The following THRB variants were observed in gnomAD, a reference collection of about 807,000 sequenced individuals.
THRB encodes thyroid hormone receptor beta, also known as nuclear receptor subfamily 1 group A member 2.
THRB carries 12 observed loss-of-function variants against 47.8 expected under a neutral mutation model. The ratio of observed to expected loss-of-function variants is 0.25; its 90% confidence interval spans 0.16 to 0.41. The LOEUF (loss-of-function observed/expected upper bound fraction) is 0.41. Ranked by LOEUF, THRB falls within the 10% of genes least tolerant of loss-of-function variation. THRB has a pLI of 1.00. For synonymous variants in THRB, 218 were observed against 212.2 expected, an observed-to-expected ratio of 1.03 and a Z score of -0.24; for missense variants, 348 against 589.2, an observed-to-expected ratio of 0.59 and a Z score of 4.24.
chr3:24,265,885 C>A (rs2052600313), intron 3 of THRB, among the ~76,000 whole-genome samples: 1 of 151,938 alleles, frequency 6.6e-6, no homozygotes. Flanking sequence ...AGTTTGAACC[C>A]AATTTTTAAG....
At chr3:24,350,694 T>C (rs2063310274) in intron 1 of THRB, among the ~76,000 whole-genome samples, 1 of 152,202 alleles carries the variant, frequency 6.6e-6, no homozygotes, top group African/African-American at 2.4e-5. Context: ...TTGCTTCTTG[T>C]CAGTATTGCA....
chr3:24,167,282 T>C (rs1452742256), intron 5 of THRB, among the ~76,000 whole-genome samples: 1 of 152,170 alleles, frequency 6.6e-6, no homozygotes, highest in African/African-American at 2.4e-5. Context: ...TTGGTATATA[T>C]TTGAACCTGG....
chr3:24,218,342 C>T (rs7648454), intron 4 of THRB, among the ~76,000 whole-genome samples: 32,836 of 116,080 alleles, frequency 0.28, 4,833 homozygotes, highest in African/African-American at 0.43. Flanking sequence ...CTCTCTCTCT[C>T]TTTTTTTTTT....
intron 1 of THRB, among the ~76,000 whole-genome samples, chr3:24,365,502 T>C (rs1336142503): frequency 1.3e-5 from 2 of 152,166 alleles, no homozygotes; most frequent in African/African-American, 4.8e-5. Context: ...TTTAGAAACT[T>C]GGGCCATAGA....
At chr3:24,149,529 C>A (rs780564608) in intron 6 of THRB, among the ~76,000 whole-genome samples, 3 of 152,200 alleles carry the variant, frequency 2.0e-5, no homozygotes, top group Non-Finnish European at 4.4e-5. Flanking sequence ...ATAATTTATA[C>A]TTTGCTTATT....
At chr3:24,290,605 C>T (rs1443637436) in intron 3 of THRB, among the ~76,000 whole-genome samples, 1 of 152,130 alleles carries the variant, frequency 6.6e-6, no homozygotes, top group Non-Finnish European at 1.5e-5. Flanking sequence ...CCAAGAGACA[C>T]GATGCACAAT....
At chr3:24,268,430 C>G (rs1323145874) in intron 3 of THRB, among the ~76,000 whole-genome samples, 1 of 152,150 alleles carries the variant, frequency 6.6e-6, no homozygotes, top group Non-Finnish European at 1.5e-5. Flanking sequence ...AATATTGTTT[C>G]AAGTTGAAAC....
chr3:24,394,029 T>G (rs1429244975), intron 1 of THRB, among the ~76,000 whole-genome samples: 1 of 152,132 alleles, frequency 6.6e-6, no homozygotes, highest in Non-Finnish European at 1.5e-5. Context: ...CACAATGATC[T>G]TCAATAGATA....
chr3:24,151,040 T>C (rs1031479645), intron 6 of THRB, among the ~76,000 whole-genome samples: 1 of 152,198 alleles, frequency 6.6e-6, no homozygotes, highest in Non-Finnish European at 1.5e-5. Flanking sequence ...CCCTAAGACA[T>C]TATTTTCATA....
At chr3:24,232,994 G>A (rs924334086) in intron 3 of THRB, among the ~76,000 whole-genome samples, 5 of 152,156 alleles carry the variant, frequency 3.3e-5, no homozygotes, top group African/African-American at 1.2e-4. Context: ...GTGCCAAGGG[G>A]TGGTGCTGAG....
At chr3:24,250,909 G>C (rs1559735385) in intron 3 of THRB, among the ~76,000 whole-genome samples, 1 of 151,860 alleles carries the variant, frequency 6.6e-6, no homozygotes, top group Non-Finnish European at 1.5e-5. Context: ...TGCAAAAATA[G>C]AATAATTATA....
At chr3:24,245,370 A>G (rs2050006198) in intron 3 of THRB, among the ~76,000 whole-genome samples, 1 of 152,162 alleles carries the variant, frequency 6.6e-6, no homozygotes, top group Non-Finnish European at 1.5e-5. Flanking sequence ...ATGGGTGCAG[A>G]GATGACTAAG....
chr3:24,279,357 C>A (rs1363362508), intron 3 of THRB, among the ~76,000 whole-genome samples: 1 of 151,950 alleles, frequency 6.6e-6, no homozygotes, highest in Non-Finnish European at 1.5e-5. Flanking sequence ...CATTCTCGGG[C>A]ACTCTCTCCT....
At chr3:24,275,002 T>A (rs1245971299) in intron 3 of THRB, among the ~76,000 whole-genome samples, 1 of 152,192 alleles carries the variant, frequency 6.6e-6, no homozygotes, top group African/African-American at 2.4e-5. Context: ...TATCTATCCA[T>A]CTACTCATCG....
intron 3 of THRB, among the ~76,000 whole-genome samples, chr3:24,249,586 C>T (rs1265374336): frequency 6.6e-6 from 1 of 152,222 alleles, no homozygotes; most frequent in Non-Finnish European, 1.5e-5. Flanking sequence ...GGGCCACAGA[C>T]TCCCATCTCT....
chr3:24,226,889 T>C lies in THRB; in HGVS notation c.22+2049A>G, dbSNP rs191315808. Among the ~76,000 whole-genome samples, 29 of 152,344 alleles carry C rather than the reference T, an allele frequency of 1.9e-4. No individual in the cohort carries two copies. The East Asian group carries it at 5.4e-3, about 28-fold the overall frequency. Reference sequence around the variant, plus strand: ...CTACAATGGCAGAATTGAGTAATTATGACAGACACTGTATGGGCTGCAAAG... The same window carrying C: ...CTACAATGGCAGAATTGAGTAATTACGACAGACACTGTATGGGCTGCAAAG... On this transcript the variant is annotated intron_variant, in intron 4 of 10. Coordinates refer to ENST00000646209, the MANE Select transcript of THRB (RefSeq NM_001354712.2).
chr3:24,312,985 G>A (rs2057855644), intron 2 of THRB, among the ~76,000 whole-genome samples: 1 of 152,142 alleles, frequency 6.6e-6, no homozygotes, highest in Non-Finnish European at 1.5e-5. Context: ...TGGAGATGGT[G>A]GGAGTGTGCA....
At chr3:24,395,768 T>C (rs1379255339) in intron 1 of THRB, among the ~76,000 whole-genome samples, 1 of 152,110 alleles carries the variant, frequency 6.6e-6, no homozygotes, top group Non-Finnish European at 1.5e-5. Context: ...TAGATATATA[T>C]CCAAGATAAA....
At chr3:24,243,068 GAAAAAAAAAAAAA>G (rs71057662) in intron 3 of THRB, among the ~76,000 whole-genome samples, 2 of 92,004 alleles carry the variant, frequency 2.2e-5, no homozygotes, top group African/African-American at 4.3e-5. Flanking sequence ...GCGCACCTTT[GAAAAAAAAAAAAA>G]AAAAAAAAAA....
Sources: allele counts gnomAD v4.1 joint callset (sites outside exome capture counted in the v4.1 genomes callset), GRCh38; gene constraint gnomAD v4.1.1; transcripts MANE v1.5; gene names NCBI Gene and HGNC (gene_info 2026-07-23, HGNC 2026-07-21).